TAFA1: variants seen among roughly 807,000 people sequenced by gnomAD.
TAFA1 encodes chemokine-like protein TAFA-1.
Under a neutral mutation model 18.5 loss-of-function variants are expected in TAFA1, and 4 were observed. The observed-to-expected ratio is 0.22, with a 90% CI of 0.11 to 0.49. The LOEUF is 0.49. Ranked by LOEUF, TAFA1 falls within the 20% of genes least tolerant of loss-of-function variation. The pLI is 0.98. For synonymous variants in TAFA1, 56 were observed against 55.2 expected, an observed-to-expected ratio of 1.01 and a Z score of -0.06; for missense variants, 147 against 169.0, an observed-to-expected ratio of 0.87 and a Z score of 0.72.
rs76958080 is a variant in TAFA1, at chr3:68,219,775, C to T, written c.119-197505C>T. On this transcript the variant is annotated intron_variant, in intron 2 of 4. Transcript: ENST00000478136. The stretch of plus-strand genomic sequence containing the variant: ...TATCTCATTATAATCACTTTTGCTG[C>T]CTACACTCAAGGGAAAGAGATTTTA... Among the ~76,000 whole-genome samples, 754 of 152,204 alleles carry T rather than the reference C, an allele frequency of 5.0e-3. 7 individuals carry two copies. The highest frequency in any genetic ancestry group is 0.017 in the African/African-American group (700 of 41,530).
At chr3:68,080,786 G>T (rs1430629844) in intron 2 of TAFA1, among the ~76,000 whole-genome samples, 2 of 152,056 alleles carry the variant, frequency 1.3e-5, no homozygotes, top group Non-Finnish European at 2.9e-5. Flanking sequence ...TGACAATTAT[G>T]TGTCTTGGAG....
At chr3:68,215,631 T>C (rs1380700643) in intron 2 of TAFA1, among the ~76,000 whole-genome samples, 4 of 151,992 alleles carry the variant, frequency 2.6e-5, no homozygotes, top group African/African-American at 4.8e-5. Flanking sequence ...CGATGAGCCA[T>C]TAGAATGACA....
chr3:68,191,648 A>G (rs1035986179), intron 2 of TAFA1, among the ~76,000 whole-genome samples: 1 of 151,844 alleles, frequency 6.6e-6, no homozygotes, highest in Non-Finnish European at 1.5e-5. Flanking sequence ...CAAACTTTTT[A>G]TCACAGCAAA....
chr3:68,512,542 C>A (rs1266935029), intron 3 of TAFA1, among the ~76,000 whole-genome samples: 1 of 152,112 alleles, frequency 6.6e-6, no homozygotes, highest in African/African-American at 2.4e-5. Flanking sequence ...ATAATTCTTA[C>A]TTCATTCTGT....
intron 2 of TAFA1, among the ~76,000 whole-genome samples, chr3:68,330,434 G>A (rs1559620108): frequency 6.6e-6 from 1 of 152,174 alleles, no homozygotes; most frequent in Admixed American, 6.5e-5. Flanking sequence ...CACACAGGGG[G>A]ATCTGGAGAG....
chr3:68,383,157 G>A (rs779332729), intron 2 of TAFA1, among the ~76,000 whole-genome samples: 5 of 151,842 alleles, frequency 3.3e-5, no homozygotes, highest in Non-Finnish European at 7.4e-5. Flanking sequence ...GAGAGGGATA[G>A]TTTGACTTAC....
chr3:68,331,602 G>A (rs1233901282), intron 2 of TAFA1, among the ~76,000 whole-genome samples: 1 of 152,126 alleles, frequency 6.6e-6, no homozygotes, highest in Non-Finnish European at 1.5e-5. Context: ...CCTTTTAGGA[G>A]GTTATTACAA....
intron 2 of TAFA1, among the ~76,000 whole-genome samples, chr3:68,415,551 C>A (rs2070815106): frequency 6.6e-6 from 1 of 151,888 alleles, no homozygotes; most frequent in South Asian, 2.1e-4. Flanking sequence ...ATTTTCAATC[C>A]CTCTAAGACA....
intron 2 of TAFA1, among the ~76,000 whole-genome samples, chr3:68,092,630 G>A (rs1244234088): frequency 6.6e-6 from 1 of 152,132 alleles, no homozygotes; most frequent in Non-Finnish European, 1.5e-5. Context: ...CTTTCATGGG[G>A]CTTATTAAGC....
At chr3:68,489,578 C>T (rs2072413605) in intron 3 of TAFA1, among the ~76,000 whole-genome samples, 1 of 152,046 alleles carries the variant, frequency 6.6e-6, no homozygotes, top group African/African-American at 2.4e-5. Flanking sequence ...CATTTAGGGT[C>T]GTGTTCAAAA....
intron 2 of TAFA1, among the ~76,000 whole-genome samples, chr3:68,396,360 A>G (rs991973414): frequency 6.6e-6 from 1 of 152,200 alleles, no homozygotes; most frequent in Non-Finnish European, 1.5e-5. Context: ...ATCCAGAAGT[A>G]TCCCTGGTGT....
At chr3:68,042,091 C>A (rs972547688) in intron 2 of TAFA1, among the ~76,000 whole-genome samples, 1 of 152,154 alleles carries the variant, frequency 6.6e-6, no homozygotes, top group Non-Finnish European at 1.5e-5. Flanking sequence ...CCACAATGAG[C>A]CTTCTTTTTC....
intron 3 of TAFA1, among the ~76,000 whole-genome samples, chr3:68,526,002 TAATAA>T (rs775312000): frequency 2.0e-5 from 3 of 152,202 alleles, no homozygotes; most frequent in African/African-American, 4.8e-5. Context: ...TATGACAGCT[TAATAA>T]AATAAGAGAA....
chr3:68,358,851 G>A lies in TAFA1; in HGVS notation c.119-58429G>A, dbSNP rs191055275. ...TCTATGACCATTTTTGTAAACTGTT[G>A]TCACCAATTGAGTGATCTGAATTGA... is the stretch of plus-strand genomic sequence containing the variant. On this transcript the variant is annotated intron_variant, in intron 2 of 4. Coordinates refer to ENST00000478136, the MANE Select transcript of TAFA1 (RefSeq NM_213609.4). Among the ~76,000 whole-genome samples, 3 of 150,678 alleles carry A rather than the reference G, an allele frequency of 2.0e-5. No individual in the cohort carries two copies. The Admixed American group carries it at 2.0e-4, about 10-fold the overall frequency.
At chr3:68,342,491 A>G (rs2069101228) in intron 2 of TAFA1, among the ~76,000 whole-genome samples, 1 of 152,232 alleles carries the variant, frequency 6.6e-6, no homozygotes, top group African/African-American at 2.4e-5. Context: ...CTTTCTCTTA[A>G]CTATACAAAT....
chr3:68,010,282 A>G (rs1045316125), intron 2 of TAFA1, among the ~76,000 whole-genome samples: 9 of 152,052 alleles, frequency 5.9e-5, no homozygotes, highest in Non-Finnish European at 1.2e-4. Context: ...GGTAATATTG[A>G]TGGTATTCAG....
intron 2 of TAFA1, among the ~76,000 whole-genome samples, chr3:68,035,838 A>G (rs1468121771): frequency 6.6e-6 from 1 of 152,242 alleles, no homozygotes; most frequent in Non-Finnish European, 1.5e-5. Context: ...TGTAATGGCA[A>G]TAAAATGGAA....
intron 2 of TAFA1, among the ~76,000 whole-genome samples, chr3:68,133,071 C>T (rs985264153): frequency 6.6e-6 from 1 of 152,154 alleles, no homozygotes; most frequent in Non-Finnish European, 1.5e-5. Flanking sequence ...GGTCCAGTTT[C>T]AGTTTTCTGC....
At chr3:68,462,660 GT>G (rs1272279557) in intron 3 of TAFA1, among the ~76,000 whole-genome samples, 1 of 152,090 alleles carries the variant, frequency 6.6e-6, no homozygotes, top group African/African-American at 2.4e-5. Flanking sequence ...ATTACTACTA[GT>G]TTTGTCTTAA....
Sources: allele counts gnomAD v4.1 joint callset (sites outside exome capture counted in the v4.1 genomes callset), GRCh38; gene constraint gnomAD v4.1.1; transcripts MANE v1.5; gene names NCBI Gene and HGNC (gene_info 2026-07-23, HGNC 2026-07-21).